RAD51B: variants seen among roughly 807,000 people sequenced by gnomAD.
RAD51B encodes the protein RAD51 paralog B.
In RAD51B, 38 loss-of-function variants were observed where a neutral mutation model predicts 42.2. The observed-to-expected ratio is 0.90, with a 90% CI of 0.70 to 1.18. The LOEUF is 1.18. Among genes scored for constraint, RAD51B ranks in the 50% most tolerant of loss-of-function variants. The pLI, the probability that RAD51B is intolerant of heterozygous loss-of-function variation, is 0.00. For missense variants in RAD51B, 373 were observed against 400.7 expected, an observed-to-expected ratio of 0.93 and a Z score of 0.59; for synonymous variants, 154 against 145.2, an observed-to-expected ratio of 1.06 and a Z score of -0.43.
At chr14:68,483,854 C>T (rs1418005793) in intron 10 of RAD51B, among the ~76,000 whole-genome samples, 2 of 152,208 alleles carry the variant, frequency 1.3e-5, no homozygotes, top group Non-Finnish European at 2.9e-5. Flanking sequence ...ACAAGAGCTG[C>T]TTTTGGTTTT....
chr14:68,126,875 T>C (rs1302370022), intron 7 of RAD51B, among the ~76,000 whole-genome samples: 1 of 152,232 alleles, frequency 6.6e-6, no homozygotes, highest in African/African-American at 2.4e-5. Flanking sequence ...ATATATTTGC[T>C]TATTGCAGTT....
chr14:68,168,069 T>A (rs2078789543), intron 7 of RAD51B, among the ~76,000 whole-genome samples: 1 of 152,108 alleles, frequency 6.6e-6, no homozygotes, highest in South Asian at 2.1e-4. Flanking sequence ...GTGTCTCCCA[T>A]AATTTTGACA....
chr14:68,468,232 G>C lies in RAD51B; in HGVS notation c.1018G>C (p.Glu340Gln), dbSNP rs779592512. Residue 340 changes from glutamate (E) to glutamine (Q), a missense_variant, in exon 10 of 11, where the codon GAA becomes CAA. By Grantham distance (29) the Glu-to-Gln change is conservative. Coordinates refer to ENST00000471583, the MANE Select transcript of RAD51B (RefSeq NM_133510.4). ...CTCATTTGTCTACACCATCAAGGAG[G>C]AAGGCCTGGTTCTTCAAGGTAAGAT... The part of the protein sequence containing the change: ...FTSFVYTIKE[E>Q]GLVLQGQEKP 15 of 1,613,682 alleles carry C rather than the reference G, an allele frequency of 9.3e-6. No homozygotes were observed. The highest frequency in any genetic ancestry group is 1.2e-5 in the Non-Finnish European group (14 of 1,179,738).
chr14:67,977,003 A>T (rs2075008635), intron 7 of RAD51B, among the ~76,000 whole-genome samples: 1 of 152,220 alleles, frequency 6.6e-6, no homozygotes, highest in East Asian at 1.9e-4. Flanking sequence ...ATGCAAATCA[A>T]AACCACAATG....
In RAD51B at chr14:68,281,124, G is replaced by C. The variant is rs777722320; in HGVS notation, c.757-10760G>C. ...ATGAGTATTAAGAAGTGAGAGAAAA[G>C]TTAGGGCTAGAATAGTTAGCAAAGA... On this transcript the variant is annotated intron_variant, in intron 7 of 10. Transcript: ENST00000471583. 7.2e-5 allele frequency among the ~76,000 whole-genome samples: 11 copies of C among 152,160 alleles called. No individual in the cohort carries two copies. The South Asian group carries it at 8.3e-4, about 12-fold the overall frequency.
At chr14:68,170,089 G>A (rs1040338617) in intron 7 of RAD51B, among the ~76,000 whole-genome samples, 6 of 152,136 alleles carry the variant, frequency 3.9e-5, no homozygotes, top group Admixed American at 1.3e-4. Context: ...TTCTCCATTA[G>A]GGAATAAGAG....
intron 10 of RAD51B, among the ~76,000 whole-genome samples, chr14:68,606,575 A>T (rs1891455429): frequency 6.6e-6 from 1 of 152,146 alleles, no homozygotes; most frequent in South Asian, 2.1e-4. Context: ...GCCATGTTTA[A>T]ACTGTGGTTT....
At chr14:68,121,957 A>G (rs1006270335) in intron 7 of RAD51B, among the ~76,000 whole-genome samples, 1 of 151,916 alleles carries the variant, frequency 6.6e-6, no homozygotes, top group Non-Finnish European at 1.5e-5. Context: ...TATCTTATAT[A>G]TATATATTTC....
intron 3 of RAD51B, among the ~76,000 whole-genome samples, chr14:67,829,355 G>T (rs2040949490): frequency 6.6e-6 from 1 of 151,728 alleles, no homozygotes. Flanking sequence ...CCATTCTCCT[G>T]CCTCAGCCTC....
intron 7 of RAD51B, among the ~76,000 whole-genome samples, chr14:67,973,699 A>G (rs116072132): frequency 0.017 from 2,633 of 152,256 alleles, 74 homozygotes; most frequent in African/African-American, 0.059. Flanking sequence ...AACATTTTCA[A>G]TGTAAGAATT....
chr14:68,500,324 G>A (rs141567021), intron 10 of RAD51B, among the ~76,000 whole-genome samples: 1 of 152,354 alleles, frequency 6.6e-6, no homozygotes, highest in African/African-American at 2.4e-5. Context: ...CCATCTTACA[G>A]ATGAGGAAAC....
intron 10 of RAD51B, among the ~76,000 whole-genome samples, chr14:68,552,236 G>A (rs186363301): frequency 6.6e-6 from 1 of 152,278 alleles, no homozygotes; most frequent in African/African-American, 2.4e-5. Context: ...GAGCATTAGA[G>A]TTTGCGTCTT....
intron 10 of RAD51B, among the ~76,000 whole-genome samples, chr14:68,550,725 G>A (rs896996274): frequency 5.9e-5 from 9 of 152,146 alleles, no homozygotes; most frequent in African/African-American, 7.2e-5. Flanking sequence ...CTAGATGGGC[G>A]AAAACTCTGG....
rs1383008798 is a variant in RAD51B at position 68,183,888 on chromosome 14, T to C, written c.757-107996T>C. Among the ~76,000 whole-genome samples the C allele has an allele frequency of 3.9e-5, 6 of 152,056 alleles. No homozygotes were observed. In the East Asian group the frequency reaches 1.2e-3, roughly 30 times the overall value. ...GCAAGCTGATCACGAGGTCAGGAGA[T>C]TGAGACCATCCTGGCTAACATGGTG... On this transcript the variant is annotated intron_variant, in intron 7 of 10. Transcript: ENST00000471583.
At chr14:68,658,464 G>A (rs1368524429) in intron 11 of RAD51B, among the ~76,000 whole-genome samples, 1 of 152,240 alleles carries the variant, frequency 6.6e-6, no homozygotes, top group Non-Finnish European at 1.5e-5. Context: ...GGGCAGCCAA[G>A]AGTCACAGAG....
At chr14:68,468,131 G>A in intron 9 of RAD51B, 41 bp from the exon 10 acceptor site, 1 of 1,569,092 alleles carries the variant, frequency 6.4e-7, no homozygotes, top group Non-Finnish European at 8.8e-7. Flanking sequence ...GCCCATCCCT[G>A]ATCCTTTGAC....
chr14:67,852,928 G>A (rs1285188809), intron 4 of RAD51B, among the ~76,000 whole-genome samples: 7 of 152,136 alleles, frequency 4.6e-5, no homozygotes, highest in African/African-American at 1.7e-4. Flanking sequence ...ATTATTATAT[G>A]TTATATGGTA....
intron 9 of RAD51B, among the ~76,000 whole-genome samples, chr14:68,434,709 C>T (rs1439169054): frequency 1.3e-5 from 2 of 152,212 alleles, no homozygotes; most frequent in African/African-American, 4.8e-5. Flanking sequence ...GGCGATGCCT[C>T]GCCCTGCTTC....
intron 9 of RAD51B, among the ~76,000 whole-genome samples, chr14:68,462,491 G>A (rs1473294910): frequency 2.0e-5 from 3 of 152,232 alleles, no homozygotes; most frequent in Non-Finnish European, 4.4e-5. Context: ...ATGGTAGTGG[G>A]ATTGGGGATC....
Sources: gnomAD v4.1 joint callset for allele counts (sites outside exome capture counted in the v4.1 genomes callset) on GRCh38, gnomAD v4.1.1 for gene constraint, MANE v1.5 for transcripts, NCBI Gene and HGNC (gene_info 2026-07-23, HGNC 2026-07-21) for gene names.